Variants in SGSM3 observed in about 807,000 individuals in gnomAD.
The protein encoded by SGSM3 is small G protein signaling modulator 3.
In SGSM3, 96 loss-of-function variants were observed where a neutral mutation model predicts 100.5. The observed-to-expected ratio is 0.96, with a 90% CI of 0.81 to 1.13. The LOEUF (loss-of-function observed/expected upper bound fraction) is 1.13, where lower values mean the gene tolerates loss of function less well. Among genes scored for constraint, SGSM3 ranks in the 50% most tolerant of loss-of-function variants. The probability of loss-of-function intolerance (pLI) is 0.00; values close to 1 mark genes in which losing one functional copy is unlikely to be tolerated. For missense variants in SGSM3, 1,001 were observed against 1,015.8 expected, an observed-to-expected ratio of 0.99 and a Z score of 0.20; for synonymous variants, 483 against 422.8, an observed-to-expected ratio of 1.14 and a Z score of -1.75.
chr22:40,384,589 G>C (rs908776023), intron 1 of SGSM3, among the ~76,000 whole-genome samples: 2 of 152,126 alleles, frequency 1.3e-5, no homozygotes, highest in Non-Finnish European at 2.9e-5. Flanking sequence ...GACCATCCTG[G>C]CTAACACGGT....
Position 40,405,784 on chromosome 22 carries a change from C to T in SGSM3, c.754C>T (p.Arg252Cys), listed in dbSNP as rs763742049. The T allele has an allele frequency of 1.4e-5, 22 of 1,613,548 alleles. No individual in the cohort carries two copies. In the East Asian group the frequency reaches 1.6e-4, roughly 11 times the overall value. The change falls in exon 8 of 22, where the codon CGC (arginine) becomes TGC (cysteine). Residue 252 changes from arginine (R) to cysteine (C), a missense_variant. Transcript: ENST00000248929. Reference sequence around the variant, plus strand: ...TGTCCAGACTGACCAGCGGGTCCTGCGCCACCTCATTGTCCAGTACCTGCC... The same window carrying T: ...TGTCCAGACTGACCAGCGGGTCCTGTGCCACCTCATTGTCCAGTACCTGCC... ...LGVQTDQRVLRHLIVQYLPRL... is the reference protein window; with the variant it reads ...LGVQTDQRVLCHLIVQYLPRL...
At chr22:40,380,935 AAAAT>A (rs976652870) in intron 1 of SGSM3, among the ~76,000 whole-genome samples, 29 of 152,264 alleles carry the variant, frequency 1.9e-4, no homozygotes, top group Non-Finnish European at 2.6e-4. Flanking sequence ...ACCCTGCTCA[AAAAT>A]AAATTAATAA....
chr22:40,405,770 A>G lies in SGSM3; in HGVS notation c.740A>G (p.Asp247Gly), dbSNP rs773909051. The change falls in exon 8 of 22, where the codon GAC becomes GGC. Residue 247 changes from aspartate (D) to glycine (G), a missense_variant. Asp to Gly is a moderately conservative substitution (Grantham distance 94). Transcript: ENST00000248929. Reference sequence around the variant, plus strand: ...ACCACCCTGCTGGGTGTCCAGACTGACCAGCGGGTCCTGCGCCACCTCATT... The same window carrying G: ...ACCACCCTGCTGGGTGTCCAGACTGGCCAGCGGGTCCTGCGCCACCTCATT... ...FSTTLLGVQT[D>G]QRVLRHLIVQ... 5.0e-6 allele frequency: 8 copies of G among 1,613,464 alleles called. No individual in the cohort carries two copies. The highest frequency in any genetic ancestry group is 3.3e-5 in the Admixed American group (2 of 59,984).
At chr22:40,382,900 T>G (rs1389226751) in intron 1 of SGSM3, among the ~76,000 whole-genome samples, 2 of 152,240 alleles carry the variant, frequency 1.3e-5, no homozygotes, top group African/African-American at 4.8e-5. Context: ...CACAGCCAAG[T>G]GGCAGAACAA....
At chr22:40,405,588 C>T (rs1569209118) in intron 7 of SGSM3, 61 bp from the exon 8 acceptor site, 1 of 1,485,794 alleles carries the variant, frequency 6.7e-7, no homozygotes, top group Non-Finnish European at 9.2e-7. Flanking sequence ...AGGGTAGGGG[C>T]ACCTTTTCTA....
In SGSM3 at chr22:40,406,657, T is replaced by G. The variant is rs777750126; in HGVS notation, c.1180T>G (p.Ser394Ala). 3 of 1,606,044 alleles carry G rather than the reference T, an allele frequency of 1.9e-6. No individual in the cohort carries two copies. The Admixed American group carries it at 5.0e-5, about 27-fold the overall frequency. ...GGGGGCCGGCACCCTCACCAACCTC[T>G]CTCAGGTGGCCCAGGATGGGGGGCC... ...LLGAGTLTNL[S>A]QVVRRRTQRR... Residue 394 changes from serine (S) to alanine (A), a missense_variant, in exon 10 of 22, where the codon TCT becomes GCT. Ser to Ala is a moderately conservative substitution (Grantham distance 99, BLOSUM62 1). Transcript: ENST00000248929.
Position 40,409,244 on chromosome 22 carries a change from C to T in SGSM3, c.1989-6C>T. Reference sequence around the variant, plus strand: ...CCCTGCTCCCCACTCCTGGCCATGTCCCCAGTGAGCAGGTGCTGCACCTGT... The same window carrying T: ...CCCTGCTCCCCACTCCTGGCCATGTTCCCAGTGAGCAGGTGCTGCACCTGT... On this transcript the variant is annotated splice_region_variant and splice_polypyrimidine_tract_variant and intron_variant, in intron 19 of 21. Coordinates refer to ENST00000248929, the MANE Select transcript of SGSM3 (RefSeq NM_015705.6). 6.3e-7 allele frequency: 1 copy of T among 1,598,472 alleles called. No individual in the cohort carries two copies. Among genetic ancestry groups the T allele is most frequent in the Non-Finnish European group, 8.5e-7 (1 of 1,174,938 alleles).
intron 6 of SGSM3, 102 bp from the exon 7 acceptor site, chr22:40,405,039 C>A: frequency 7.1e-7 from 1 of 1,418,070 alleles, no homozygotes; most frequent in South Asian, 1.6e-5. Flanking sequence ...ATCAGGAACA[C>A]AAGGAATCCC....
intron 1 of SGSM3, among the ~76,000 whole-genome samples, chr22:40,382,347 G>A (rs185194809): frequency 6.6e-6 from 1 of 152,198 alleles, no homozygotes; most frequent in East Asian, 1.9e-4. Flanking sequence ...TTGTTGGTAG[G>A]TAGTTTTTCC....
In SGSM3 at chr22:40,404,417, C is replaced by G; in HGVS notation, c.328C>G (p.Leu110Val). The change falls in exon 5 of 22, where the codon CTG (leucine) becomes GTG (valine). Residue 110 changes from leucine (L) to valine (V), a missense_variant. Transcript: ENST00000248929. ...SLPRSEKLRSLVLAGIPHGMR... is the reference protein window; with the variant it reads ...SLPRSEKLRSVVLAGIPHGMR... ...ACCCCGCTCTGAGAAGCTCCGCTCC[C>G]TGGTGCTGGCCGGCATCCCACATGG... 6.2e-7 allele frequency: 1 copy of G among 1,606,976 alleles called. No individual in the cohort carries two copies. Among genetic ancestry groups the G allele is most frequent in the Non-Finnish European group, 8.5e-7 (1 of 1,176,048 alleles).
chr22:40,399,980 C>CT (rs2050528283), intron 1 of SGSM3, among the ~76,000 whole-genome samples: 1 of 152,212 alleles, frequency 6.6e-6, no homozygotes, highest in Non-Finnish European at 1.5e-5. Flanking sequence ...TGCCCCCACA[C>CT]TTGTATGTCT....
chr22:40,380,466 A>G lies in SGSM3; in HGVS notation c.-112+9778A>G, dbSNP rs565691259. Among the ~76,000 whole-genome samples, 9 of 151,214 alleles carry G rather than the reference A, an allele frequency of 6.0e-5. No homozygotes were observed. In the South Asian group the frequency reaches 6.3e-4, roughly 11 times the overall value. ...ACTGTAACCTCCGCCTCCCGGGTTC[A>G]AGCAATTCTCCCACCTCAGCATCCC... On this transcript the variant is annotated intron_variant, in intron 1 of 21. Coordinates refer to ENST00000248929, the MANE Select transcript of SGSM3 (RefSeq NM_015705.6).
intron 1 of SGSM3, among the ~76,000 whole-genome samples, chr22:40,400,382 G>T (rs969282765): frequency 6.6e-6 from 1 of 152,208 alleles, no homozygotes; most frequent in Admixed American, 6.5e-5. Context: ...GGTGGCTCAT[G>T]CTTGTAATCC....
intron 1 of SGSM3, among the ~76,000 whole-genome samples, chr22:40,399,150 AT>A (rs144657715): frequency 7.1e-6 from 1 of 140,092 alleles, no homozygotes. Flanking sequence ...TGCCTGGCTA[AT>A]TTTTTTGTAT....
chr22:40,380,902 T>C (rs1462680003), intron 1 of SGSM3, among the ~76,000 whole-genome samples: 1 of 151,962 alleles, frequency 6.6e-6, no homozygotes, highest in East Asian at 1.9e-4. Context: ...ACCACTTCCC[T>C]CCAGCCTGGA....
Position 40,409,896 on chromosome 22 carries a change from T to G in SGSM3, c.*137T>G. 4 of 1,424,330 alleles carry G rather than the reference T, an allele frequency of 2.8e-6. No individual in the cohort carries two copies. Among genetic ancestry groups the G allele is most frequent in the Non-Finnish European group, 3.7e-6 (4 of 1,094,502 alleles). The allele number at this position is 1,424,330 out of a possible 1,614,324, so 88.2% of individuals were successfully genotyped here. On this transcript the variant is annotated 3_prime_UTR_variant, in exon 22 of 22. Transcript: ENST00000248929. ...CAATATCAGGCTGCCCCACTCCACG[T>G]TCCCCAGCACATCCCAGGTGGTGGG...
At chr22:40,384,583 A>G (rs1425479566) in intron 1 of SGSM3, among the ~76,000 whole-genome samples, 1 of 152,218 alleles carries the variant, frequency 6.6e-6, no homozygotes, top group Non-Finnish European at 1.5e-5. Flanking sequence ...GATCGAGACC[A>G]TCCTGGCTAA....
chr22:40,409,200 C>A, intron 19 of SGSM3, 50 bp from the exon 20 acceptor site: 19 of 1,559,328 alleles, frequency 1.2e-5, no homozygotes, highest in Non-Finnish European at 1.6e-5. Context: ...TGGCTGCAGC[C>A]AGAAGGGCCT....
chr22:40,371,891 T>G (rs1428613983), intron 1 of SGSM3, among the ~76,000 whole-genome samples: 1 of 151,288 alleles, frequency 6.6e-6, no homozygotes, highest in Non-Finnish European at 1.5e-5. Flanking sequence ...GAGACGGGGT[T>G]TTTCGCCATG....
Sources: gnomAD v4.1 joint callset for allele counts (sites outside exome capture counted in the v4.1 genomes callset) on GRCh38, gnomAD v4.1.1 for gene constraint, MANE v1.5 for transcripts, NCBI Gene and HGNC (gene_info 2026-07-23, HGNC 2026-07-21) for gene names.